HIVEP1: variants seen among roughly 807,000 people sequenced by gnomAD.
The protein encoded by HIVEP1 is zinc finger protein 40.
Under a neutral mutation model 180.0 loss-of-function variants are expected in HIVEP1, and 36 were observed. The ratio of observed to expected loss-of-function variants is 0.20; its 90% confidence interval spans 0.15 to 0.26. HIVEP1 has a LOEUF of 0.26. Among genes scored for constraint, HIVEP1 ranks in the 10% least tolerant of loss-of-function variants. HIVEP1 has a pLI of 1.00. For synonymous variants in HIVEP1, 1,239 were observed against 1,239.0 expected (o/e 1.00, Z 0.00); for missense variants, 3,143 against 3,268.7 (o/e 0.96, Z 0.94).
At chr6:12,047,510 G>T (rs1399383858) in intron 2 of HIVEP1, among the ~76,000 whole-genome samples, 1 of 152,272 alleles carries the variant, frequency 6.6e-6, no homozygotes, top group African/African-American at 2.4e-5. Flanking sequence ...GCTGGGAGGG[G>T]AGACAGGTTC....
chr6:12,125,340 A>G lies in HIVEP1; in HGVS notation c.5545A>G (p.Ile1849Val), dbSNP rs769960667. The G allele has an allele frequency of 3.7e-6, 6 of 1,614,084 alleles. No homozygotes were observed. Among genetic ancestry groups the G allele is most frequent in the Non-Finnish European group, 5.1e-6 (6 of 1,180,044 alleles). Residue 1849 changes from isoleucine to valine, a missense_variant, in exon 4 of 9, where the codon ATA (isoleucine) becomes GTA (valine). This residue lies in a region of HIVEP1 where 1,357 missense variants were observed against 1,260.5 expected (regional missense o/e 1.08). Transcript: ENST00000379388. Reference sequence around the variant, plus strand: ...AACAGGATGCTCTAAATTTGTCGTTATAGAACCTATAAGTGAATTGCAGGA... The same window carrying G: ...AACAGGATGCTCTAAATTTGTCGTTGTAGAACCTATAAGTGAATTGCAGGA... ...SSTGCSKFVV[I>V]EPISELQEFE...
rs757366527 is a variant in HIVEP1 at position 12,121,323 on chromosome 6, G to A, written c.1528G>A (p.Ala510Thr). 42 of 1,613,972 alleles carry A rather than the reference G, an allele frequency of 2.6e-5. No individual in the cohort carries two copies. The highest frequency in any genetic ancestry group is 1.6e-4 in the African/African-American group (12 of 74,896). ...TGATGAGAGACAGCATGACCTGGGCGCCATGGAGCTGCAGCCTGTGCACAT... is the reference window on the plus strand; with the variant it reads ...TGATGAGAGACAGCATGACCTGGGCACCATGGAGCTGCAGCCTGTGCACAT... ...ATDERQHDLG[A>T]MELQPVHIIK... Residue 510 changes from alanine to threonine, a missense_variant, in exon 4 of 9, where the codon GCC (alanine) becomes ACC (threonine). Coordinates refer to ENST00000379388, the MANE Select transcript of HIVEP1 (RefSeq NM_002114.4). This position sits in a 1 kb window ranked among gnomAD's most constrained non-coding sequence, Gnocchi z 5.3.
At chr6:12,151,447 A>T (rs1307816168) in intron 7 of HIVEP1, among the ~76,000 whole-genome samples, 1 of 152,160 alleles carries the variant, frequency 6.6e-6, no homozygotes, top group Non-Finnish European at 1.5e-5. Context: ...CCAAGAAAGG[A>T]ACAATTGTAA....
intron 3 of HIVEP1, among the ~76,000 whole-genome samples, 186 bp from the exon 4 acceptor site, chr6:12,119,704 T>C (rs925508298): frequency 1.3e-5 from 2 of 152,250 alleles, no homozygotes; most frequent in African/African-American, 4.8e-5. Flanking sequence ...TCAATAGATT[T>C]TGATTGGCAT....
Position 12,015,614 on chromosome 6 carries a change from C to T in HIVEP1, c.-15C>T. 1.2e-6 allele frequency: 2 copies of T among 1,612,080 alleles called. No homozygotes were observed. Among genetic ancestry groups the T allele is most frequent in the Non-Finnish European group, 1.7e-6 (2 of 1,178,900 alleles). ...CAGTTTTTAAGAAGAAAAAGAAGGCCCTGAGTCAAAGAAGATGCCTCGAAC... is the reference window on the plus strand; with the variant it reads ...CAGTTTTTAAGAAGAAAAAGAAGGCTCTGAGTCAAAGAAGATGCCTCGAAC... On this transcript the variant is annotated 5_prime_UTR_variant, in exon 2 of 9. Transcript: ENST00000379388.
intron 2 of HIVEP1, among the ~76,000 whole-genome samples, chr6:12,060,449 TA>T (rs1483741883): frequency 6.6e-6 from 1 of 152,244 alleles, no homozygotes; most frequent in Non-Finnish European, 1.5e-5. Flanking sequence ...TGATTTGGTT[TA>T]AAAGTAAAAA....
At chr6:12,155,636 C>T (rs777903121) in intron 7 of HIVEP1, among the ~76,000 whole-genome samples, 1 of 152,174 alleles carries the variant, frequency 6.6e-6, no homozygotes, top group Admixed American at 6.5e-5. Flanking sequence ...ACATGCACCA[C>T]GTTTTCCTTA....
At chr6:12,018,363 C>T (rs1767973637) in intron 2 of HIVEP1, among the ~76,000 whole-genome samples, 1 of 152,230 alleles carries the variant, frequency 6.6e-6, no homozygotes. Flanking sequence ...AAGGGCTCCT[C>T]AAGCGCGGCC....
Position 12,136,748 on chromosome 6 carries a change from A to G in HIVEP1, c.6487+856A>G, listed in dbSNP as rs571151741. On this transcript the variant is annotated intron_variant, in intron 7 of 8. Transcript: ENST00000379388. ...AGGTTAAATGGCTGTTTTTTTTTAA[A>G]AGGTGTTAACAAATTTAAGTATTTA... Among the ~76,000 whole-genome samples, 8 of 152,252 alleles carry G rather than the reference A, an allele frequency of 5.3e-5. No homozygotes were observed. In the East Asian group the frequency reaches 9.6e-4, roughly 18 times the overall value.
At chr6:12,149,392 GCTTAGTCATTTAACTGAT>G (rs941963489) in intron 7 of HIVEP1, among the ~76,000 whole-genome samples, 4 of 152,138 alleles carry the variant, frequency 2.6e-5, no homozygotes, top group African/African-American at 9.7e-5. Flanking sequence ...ACATTTGGGG[GCTTAGTCATTTAACTGAT>G]CTTTTCTGTA....
At chr6:12,095,938 G>C (rs1258655684) in intron 3 of HIVEP1, among the ~76,000 whole-genome samples, 1 of 151,978 alleles carries the variant, frequency 6.6e-6, no homozygotes, top group Non-Finnish European at 1.5e-5. Flanking sequence ...ATGAGATTAT[G>C]ATAGCAGTCA....
rs958933571 is a variant in HIVEP1, at chr6:12,114,613, A to G, written c.95-5277A>G. On this transcript the variant is annotated intron_variant, in intron 3 of 8. Transcript: ENST00000379388. ...CTAGCCCAGACCTCTCTCTAGAGGG[A>G]AAAAAAAAGAATGTGCACGTACACT... is the stretch of plus-strand genomic sequence containing the variant. Among the ~76,000 whole-genome samples the G allele has an allele frequency of 2.7e-5, 4 of 148,220 alleles. No homozygotes were observed. The South Asian group carries it at 6.3e-4, about 23-fold the overall frequency.
intron 7 of HIVEP1, among the ~76,000 whole-genome samples, chr6:12,158,409 A>C (rs1248573981): frequency 6.6e-6 from 1 of 152,070 alleles, no homozygotes; most frequent in East Asian, 1.9e-4. Flanking sequence ...CAAGAACATC[A>C]CCTGTTCAGT....
intron 2 of HIVEP1, among the ~76,000 whole-genome samples, chr6:12,068,561 T>C (rs1359815953): frequency 2.6e-5 from 4 of 152,192 alleles, no homozygotes; most frequent in Non-Finnish European, 1.5e-5. Context: ...TATGGAATAA[T>C]GTATTGAGTT....
In HIVEP1 at chr6:12,123,990, A is replaced by G. The variant is rs1581733767; in HGVS notation, c.4195A>G (p.Thr1399Ala). The part of the protein sequence containing the change: ...DCGSITPPQT[T>A]PLTELQPPSS... ...TGGAAGCATCACCCCACCCCAGACA[A>G]CACCACTTACTGAATTGCAGCCTCC... is the stretch of plus-strand genomic sequence containing the variant. The change falls in exon 4 of 9, where the codon ACA (threonine) becomes GCA (alanine). Residue 1399 changes from threonine to alanine, a missense_variant. Physicochemically the swap from Thr to Ala is moderately conservative, Grantham distance 58. Transcript: ENST00000379388. 1 of 1,613,824 alleles carries G rather than the reference A, an allele frequency of 6.2e-7. No individual in the cohort carries two copies. Among genetic ancestry groups the G allele is most frequent in the Non-Finnish European group, 8.5e-7 (1 of 1,179,956 alleles).
In HIVEP1 at chr6:12,163,821, T is replaced by G. The variant is rs1760569662; in HGVS notation, c.7517T>G (p.Met2506Arg). Residue 2506 changes from methionine (M) to arginine (R), a missense_variant, in exon 9 of 9, where the codon ATG becomes AGG. By Grantham distance (91) the Met-to-Arg change is moderately conservative (BLOSUM62 -1). Coordinates refer to ENST00000379388, the MANE Select transcript of HIVEP1 (RefSeq NM_002114.4). ...VNIVGLANTN[M>R]APQVHPPGLA... Reference sequence around the variant, plus strand: ...ATTGTAGGCCTAGCCAATACAAATATGGCCCCACAAGTCCATCCACCAGGA... The same window carrying G: ...ATTGTAGGCCTAGCCAATACAAATAGGGCCCCACAAGTCCATCCACCAGGA... The G allele has an allele frequency of 1.9e-6, 3 of 1,614,068 alleles. No homozygotes were observed. In the African/African-American group the frequency reaches 4.0e-5, roughly 22 times the overall value.
intron 2 of HIVEP1, among the ~76,000 whole-genome samples, chr6:12,086,597 G>C (rs1306431307): frequency 1.3e-5 from 2 of 151,974 alleles, no homozygotes; most frequent in East Asian, 3.9e-4. Flanking sequence ...GCTGGGGAGT[G>C]TTACCCTTGG....
rs557287465 is a variant in HIVEP1 at position 12,099,595 on chromosome 6, A to G, written c.94+10358A>G. On this transcript the variant is annotated intron_variant, in intron 3 of 8. Coordinates refer to ENST00000379388, the MANE Select transcript of HIVEP1 (RefSeq NM_002114.4). Reference sequence around the variant, plus strand: ...GAAAAAACGTGGTAACATAGATGCAACTCACTTCTCCACACCCTCACCCTC... The same window carrying G: ...GAAAAAACGTGGTAACATAGATGCAGCTCACTTCTCCACACCCTCACCCTC... Among the ~76,000 whole-genome samples, 14 of 151,938 alleles carry G rather than the reference A, an allele frequency of 9.2e-5. 2 individuals carry two copies. Among genetic ancestry groups the G allele is most frequent in the African/African-American group, 3.4e-4 (14 of 41,350 alleles).
intron 2 of HIVEP1, among the ~76,000 whole-genome samples, chr6:12,071,627 A>T (rs1771973195): frequency 6.6e-6 from 1 of 152,232 alleles, no homozygotes; most frequent in Non-Finnish European, 1.5e-5. Context: ...TTCATAGCTG[A>T]TAACATACTT....
Sources: gnomAD v4.1 joint callset for allele counts (sites outside exome capture counted in the v4.1 genomes callset) on GRCh38, gnomAD v4.1.1 for gene constraint, gnomAD v4.1.1 regional missense constraint, Gnocchi (gnomAD v3.1) non-coding constraint, MANE v1.5 for transcripts, NCBI Gene and HGNC (gene_info 2026-07-23, HGNC 2026-07-21) for gene names.